Variants in AGBL1 observed in about 807,000 individuals in gnomAD.
AGBL1 encodes cytosolic carboxypeptidase 4.
A neutral mutation model predicts 118.9 loss-of-function variants in AGBL1; 130 were observed. The ratio of observed to expected loss-of-function variants is 1.09; its 90% confidence interval spans 0.95 to 1.26. The LOEUF (loss-of-function observed/expected upper bound fraction) is 1.26, where lower values mean the gene tolerates loss of function less well. AGBL1 is among the 50% of genes most tolerant of loss of function. AGBL1 has a pLI of 0.00. For missense variants in AGBL1, 1,584 were observed against 1,298.1 expected (o/e 1.22, Z -3.38); for synonymous variants, 555 against 478.9 (o/e 1.16, Z -2.08).
intron 21 of AGBL1, among the ~76,000 whole-genome samples, chr15:86,648,539 A>G (rs1288941584): frequency 6.6e-6 from 1 of 152,188 alleles, no homozygotes; most frequent in Non-Finnish European, 1.5e-5. Context: ...TTGGTTCTGC[A>G]AAATGTTTTG....
At position 86,914,150 on chromosome 15, in the gene AGBL1, C is replaced by G. The variant is rs2080389031; in HGVS notation, c.*6856C>G. 6.6e-6 allele frequency: 1 copy of G among 152,206 alleles called. No individual in the cohort carries two copies. The highest frequency in any genetic ancestry group is 1.5e-5 in the Non-Finnish European group (1 of 68,092). The allele number at this position is 152,206 out of a possible 1,614,324, so 9.4% of individuals were successfully genotyped here. A position where few individuals can be genotyped will look rare whatever the true frequency, so the allele number is the denominator to read the frequency against. ...ACTGGCTGTGGGACGGGACAGGAAG[C>G]AGAGAAGCCGACAGGTCTGCCATCC... On this transcript the variant is annotated 3_prime_UTR_variant, in exon 23 of 23. Transcript: ENST00000614907.
chr15:86,329,111 C>T (rs1458796464), intron 17 of AGBL1, among the ~76,000 whole-genome samples: 2 of 152,124 alleles, frequency 1.3e-5, no homozygotes, highest in African/African-American at 2.4e-5. Context: ...GGTGACGAGA[C>T]TTGCAGCCAG....
intron 22 of AGBL1, among the ~76,000 whole-genome samples, chr15:86,795,734 G>C (rs528837807): frequency 1.3e-5 from 2 of 151,160 alleles, no homozygotes; most frequent in Non-Finnish European, 2.9e-5. Context: ...ACAGGTGCTC[G>C]CCACAACACC....
chr15:86,661,886 ATTTCTC>A (rs2085547217), intron 21 of AGBL1, among the ~76,000 whole-genome samples: 1 of 152,130 alleles, frequency 6.6e-6, no homozygotes, highest in South Asian at 2.1e-4. Context: ...TTTGTGGACA[ATTTCTC>A]TATTCTCTGC....
intron 18 of AGBL1, among the ~76,000 whole-genome samples, chr15:86,444,765 C>G (rs1042029146): frequency 2.0e-5 from 3 of 152,150 alleles, no homozygotes; most frequent in East Asian, 1.9e-4. Context: ...GTCAAAAGAC[C>G]GGCACAAGAC....
chr15:86,591,863 G>T (rs1356179886), intron 21 of AGBL1, among the ~76,000 whole-genome samples: 1 of 152,138 alleles, frequency 6.6e-6, no homozygotes, highest in East Asian at 1.9e-4. Context: ...TTGTATCTTG[G>T]TCTTTCGGGT....
chr15:86,348,427 C>T (rs912405324), intron 17 of AGBL1, among the ~76,000 whole-genome samples: 1 of 152,216 alleles, frequency 6.6e-6, no homozygotes, highest in Non-Finnish European at 1.5e-5. Flanking sequence ...GTGATTTTTC[C>T]TCCAGGAGAC....
intron 22 of AGBL1, among the ~76,000 whole-genome samples, chr15:86,774,220 G>C (rs1215253454): frequency 6.6e-6 from 1 of 151,976 alleles, no homozygotes; most frequent in Non-Finnish European, 1.5e-5. Context: ...ACTGAAATCA[G>C]GAGTTTCTGA....
chr15:86,638,091 C>G (rs1483295812), intron 21 of AGBL1, among the ~76,000 whole-genome samples: 2 of 152,084 alleles, frequency 1.3e-5, no homozygotes, highest in Non-Finnish European at 2.9e-5. Context: ...CATCTTCTTT[C>G]AACTTGGCAC....
chr15:86,081,172 T>C (rs924964918), intron 1 of AGBL1, among the ~76,000 whole-genome samples: 2 of 152,144 alleles, frequency 1.3e-5, no homozygotes, highest in African/African-American at 4.8e-5. Flanking sequence ...GCCTCCCAAG[T>C]AGGTGGGATT....
Position 86,149,983 on chromosome 15 carries a change from C to T in AGBL1, c.263-4447C>T, listed in dbSNP as rs1231433459. On this transcript the variant is annotated intron_variant, in intron 3 of 22. Coordinates refer to ENST00000614907, the MANE Select transcript of AGBL1 (RefSeq NM_001386094.1). The stretch of plus-strand genomic sequence containing the variant: ...TCAGGATTAAGAAACTCACTCAAAA[C>T]CGCACAACTACATGGAAACTGAACA... Among the ~76,000 whole-genome samples, 7 of 152,202 alleles carry T rather than the reference C, an allele frequency of 4.6e-5. No homozygotes were observed. In the East Asian group the frequency reaches 7.7e-4, roughly 17 times the overall value.
intron 19 of AGBL1, among the ~76,000 whole-genome samples, chr15:86,536,468 A>C (rs1035718693): frequency 1.3e-5 from 2 of 151,948 alleles, no homozygotes; most frequent in African/African-American, 4.8e-5. Context: ...GTGCCACCAC[A>C]CCTGGCTAAT....
chr15:86,900,981 A>T (rs1157340282), intron 22 of AGBL1, among the ~76,000 whole-genome samples: 1 of 152,162 alleles, frequency 6.6e-6, no homozygotes, highest in Non-Finnish European at 1.5e-5. Context: ...TACTTAGTGT[A>T]AACCTCACTT....
chr15:86,182,966 C>T (rs1189944166), intron 5 of AGBL1, among the ~76,000 whole-genome samples: 1 of 152,180 alleles, frequency 6.6e-6, no homozygotes, highest in Non-Finnish European at 1.5e-5. Context: ...TGATGCTCCC[C>T]ATTATGGCTA....
chr15:86,695,214 A>C (rs1342949066), intron 22 of AGBL1, among the ~76,000 whole-genome samples: 6 of 151,944 alleles, frequency 3.9e-5, no homozygotes, highest in African/African-American at 1.4e-4. Flanking sequence ...CTGTGAATCC[A>C]TGTGGTCCTA....
intron 3 of AGBL1, among the ~76,000 whole-genome samples, chr15:86,144,800 C>T (rs1010956435): frequency 3.9e-5 from 6 of 152,164 alleles, no homozygotes; most frequent in African/African-American, 1.4e-4. Context: ...TGCACATTTA[C>T]CCTTGAACTT....
At chr15:86,661,859 C>T (rs2085546763) in intron 21 of AGBL1, among the ~76,000 whole-genome samples, 1 of 152,148 alleles carries the variant, frequency 6.6e-6, no homozygotes, top group East Asian at 1.9e-4. Flanking sequence ...TGCAGTTTAA[C>T]TAGTCAAATG....
chr15:86,678,742 T>C (rs1019771031), intron 22 of AGBL1, among the ~76,000 whole-genome samples: 1 of 152,146 alleles, frequency 6.6e-6, no homozygotes, highest in Admixed American at 6.5e-5. Flanking sequence ...CCACTGTTTA[T>C]CTATCTGTTA....
At chr15:86,720,742 G>A (rs911405521) in intron 22 of AGBL1, among the ~76,000 whole-genome samples, 2 of 151,908 alleles carry the variant, frequency 1.3e-5, no homozygotes. Flanking sequence ...GAAAGGAAGT[G>A]GATAGATCGC....
Sources: gnomAD v4.1 joint callset for allele counts (sites outside exome capture counted in the v4.1 genomes callset) on GRCh38, gnomAD v4.1.1 for gene constraint, MANE v1.5 for transcripts, NCBI Gene and HGNC (gene_info 2026-07-23, HGNC 2026-07-21) for gene names.